Variants in ZFPM2 observed in about 807,000 individuals in gnomAD.
The protein encoded by ZFPM2 is zinc finger protein, FOG family member 2.
In ZFPM2, 20 loss-of-function variants were observed where a neutral mutation model predicts 98.6. The observed-to-expected ratio is 0.20, with a 90% CI of 0.14 to 0.29. The LOEUF is 0.29. Ranked by LOEUF, ZFPM2 falls within the 10% of genes least tolerant of loss-of-function variation. The probability of loss-of-function intolerance (pLI) is 1.00; values close to 1 mark genes in which losing one functional copy is unlikely to be tolerated. For synonymous variants in ZFPM2, 518 were observed against 502.7 expected (o/e 1.03, Z -0.41); for missense variants, 1,310 against 1,388.6 (o/e 0.94, Z 0.90).
chr8:105,411,566 C>T (rs376873647), intron 1 of ZFPM2, among the ~76,000 whole-genome samples: 61 of 151,790 alleles, frequency 4.0e-4, no homozygotes, highest in African/African-American at 1.4e-3. Context: ...TTTCATCGTT[C>T]GTACTTATTT....
rs914756379 is a variant in ZFPM2 at position 105,722,096 on chromosome 8, A to T, written c.533-66622A>T. On this transcript the variant is annotated intron_variant, in intron 5 of 7. Transcript: ENST00000407775. ...CTTTTTATGTAGTTATTAATTTTTT[A>T]AAATTATATATATGGCTAATATTAT... Among the ~76,000 whole-genome samples, 21 of 151,886 alleles carry T rather than the reference A, an allele frequency of 1.4e-4. 1 individual carries two copies. Among genetic ancestry groups the T allele is most frequent in the Non-Finnish European group, 2.7e-4 (18 of 67,854 alleles).
At chr8:105,531,358 A>G (rs1296671682) in intron 3 of ZFPM2, among the ~76,000 whole-genome samples, 3 of 152,174 alleles carry the variant, frequency 2.0e-5, no homozygotes, top group Admixed American at 2.0e-4. Flanking sequence ...CTCTTCCTAG[A>G]TTCTCGTCAT....
At chr8:105,479,283 A>G (rs1052203614) in intron 3 of ZFPM2, among the ~76,000 whole-genome samples, 12 of 152,202 alleles carry the variant, frequency 7.9e-5, no homozygotes, top group African/African-American at 2.2e-4. Flanking sequence ...CCCGCTTACT[A>G]TCCTTCAGAA....
chr8:105,685,882 G>A (rs183001423), intron 5 of ZFPM2: 197 of 152,116 alleles, frequency 1.3e-3, no homozygotes, highest in African/African-American at 4.0e-3. Context: ...CAGACTCAGT[G>A]AACTCATTGT....
intron 1 of ZFPM2, among the ~76,000 whole-genome samples, chr8:105,415,320 T>C (rs1469296089): frequency 6.6e-6 from 1 of 152,064 alleles, no homozygotes; most frequent in African/African-American, 2.4e-5. Flanking sequence ...GAGGTAAATA[T>C]TCATATTTAT....
At chr8:105,770,190 T>C (rs1812949555) in intron 5 of ZFPM2, among the ~76,000 whole-genome samples, 1 of 152,024 alleles carries the variant, frequency 6.6e-6, no homozygotes, top group African/African-American at 2.4e-5. Flanking sequence ...TTCTAACATA[T>C]TGCCCTTAGC....
intron 4 of ZFPM2, among the ~76,000 whole-genome samples, chr8:105,562,780 T>G (rs929143592): frequency 6.6e-6 from 1 of 152,304 alleles, no homozygotes; most frequent in South Asian, 2.1e-4. Flanking sequence ...CTAATTTCTC[T>G]ATTTTAAGGT....
chr8:105,755,044 A>G (rs575018531), intron 5 of ZFPM2, among the ~76,000 whole-genome samples: 2 of 152,056 alleles, frequency 1.3e-5, no homozygotes, highest in Non-Finnish European at 2.9e-5. Flanking sequence ...CATGAAGTGC[A>G]GGGAAGGTTA....
At chr8:105,470,035 A>G (rs925419877) in intron 3 of ZFPM2, among the ~76,000 whole-genome samples, 16 of 152,354 alleles carry the variant, frequency 1.1e-4, no homozygotes, top group African/African-American at 3.6e-4. Context: ...GTAAGGCAGC[A>G]TGCTACCTGC....
intron 5 of ZFPM2, among the ~76,000 whole-genome samples, chr8:105,673,186 G>GTTTT (rs1817626808): frequency 1.6e-5 from 1 of 63,534 alleles, no homozygotes; most frequent in Non-Finnish European, 3.0e-5. Flanking sequence ...CAAATAGCAT[G>GTTTT]CTTTTTTTTT....
intron 5 of ZFPM2, among the ~76,000 whole-genome samples, chr8:105,704,301 T>C (rs2130962486): frequency 6.6e-6 from 1 of 152,332 alleles, no homozygotes; most frequent in Admixed American, 6.5e-5. Flanking sequence ...ATTAGAAAAC[T>C]ATCTGTTCTA....
intron 4 of ZFPM2, among the ~76,000 whole-genome samples, chr8:105,579,137 G>T (rs190847283): frequency 5.1e-4 from 78 of 152,092 alleles, no homozygotes; most frequent in African/African-American, 1.8e-3. Flanking sequence ...AATGTTTAAC[G>T]ACTATATTTT....
intron 3 of ZFPM2, among the ~76,000 whole-genome samples, chr8:105,447,090 G>A (rs1395645752): frequency 6.6e-6 from 1 of 151,510 alleles, no homozygotes; most frequent in African/African-American, 2.4e-5. Flanking sequence ...TTGGAAAATG[G>A]GCTTTACTGA....
intron 2 of ZFPM2, among the ~76,000 whole-genome samples, chr8:105,435,744 A>G (rs1812106972): frequency 6.6e-6 from 1 of 152,146 alleles, no homozygotes; most frequent in Admixed American, 6.5e-5. Context: ...ATAAAATTGT[A>G]TTTATAACTT....
chr8:105,583,996 G>T (rs1815658493), intron 4 of ZFPM2, among the ~76,000 whole-genome samples: 1 of 151,954 alleles, frequency 6.6e-6, no homozygotes. Context: ...CTATTTTTCT[G>T]CTTTATTAAA....
chr8:105,337,421 T>A (rs1383309644), intron 1 of ZFPM2, among the ~76,000 whole-genome samples: 1 of 151,856 alleles, frequency 6.6e-6, no homozygotes, highest in Non-Finnish European at 1.5e-5. Context: ...AAACATTTTC[T>A]TTATCCTAGT....
At chr8:105,477,159 T>G (rs1171526026) in intron 3 of ZFPM2, among the ~76,000 whole-genome samples, 2 of 152,194 alleles carry the variant, frequency 1.3e-5, no homozygotes, top group African/African-American at 4.8e-5. Flanking sequence ...TCAAGAATTT[T>G]GGAAATTGGT....
chr8:105,426,072 C>T (rs1236619180), intron 2 of ZFPM2, among the ~76,000 whole-genome samples: 2 of 151,982 alleles, frequency 1.3e-5, no homozygotes, highest in East Asian at 3.9e-4. Context: ...TTTTTGCCTC[C>T]TCTGATGCTT....
At chr8:105,395,330 G>A (rs756019456) in intron 1 of ZFPM2, among the ~76,000 whole-genome samples, 90 of 152,264 alleles carry the variant, frequency 5.9e-4, no homozygotes, top group Non-Finnish European at 9.7e-4. Flanking sequence ...GTATTACCAT[G>A]TGTCGTCTCT....
Sources: allele counts gnomAD v4.1 joint callset (sites outside exome capture counted in the v4.1 genomes callset), GRCh38; gene constraint gnomAD v4.1.1; transcripts MANE v1.5; gene names NCBI Gene and HGNC (gene_info 2026-07-23, HGNC 2026-07-21).